ADGRL3: variants seen among roughly 807,000 people sequenced by gnomAD.
The protein encoded by ADGRL3 is calcium-independent alpha-latrotoxin receptor 3.
ADGRL3 carries 62 observed loss-of-function variants against 153.5 expected under a neutral mutation model. That is an observed-to-expected ratio of 0.40 (90% CI 0.33 to 0.50). The LOEUF is 0.50. ADGRL3 is among the 20% of genes least tolerant of loss of function. The probability of loss-of-function intolerance (pLI) is 0.47; values close to 1 mark genes in which losing one functional copy is unlikely to be tolerated. For synonymous variants in ADGRL3, 710 were observed against 672.5 expected, an observed-to-expected ratio of 1.06 and a Z score of -0.86; for missense variants, 1,641 against 1,859.4, an observed-to-expected ratio of 0.88 and a Z score of 2.16.
At chr4:61,291,315 G>A (rs1346254029) in intron 1 of ADGRL3, among the ~76,000 whole-genome samples, 1 of 150,842 alleles carries the variant, frequency 6.6e-6, no homozygotes, top group African/African-American at 2.4e-5. Flanking sequence ...GAAAATAACT[G>A]TACAATGATA....
At chr4:61,619,529 AC>A (rs1433440730) in intron 5 of ADGRL3, among the ~76,000 whole-genome samples, 5 of 151,500 alleles carry the variant, frequency 3.3e-5, no homozygotes, top group African/African-American at 1.2e-4. Context: ...ACACACACAC[AC>A]ACACACACAC....
intron 13 of ADGRL3, 61 bp from the exon 14 acceptor site, chr4:61,934,779 G>A (rs1254485498): frequency 7.3e-7 from 1 of 1,360,594 alleles, no homozygotes; most frequent in South Asian, 1.2e-5. Context: ...TGTACACCTG[G>A]ATTTCTGACA....
intron 5 of ADGRL3, among the ~76,000 whole-genome samples, chr4:61,602,508 G>A (rs1392180921): frequency 6.6e-6 from 1 of 152,064 alleles, no homozygotes; most frequent in African/African-American, 2.4e-5. Flanking sequence ...CGTACAGAAA[G>A]CCCCCAACAA....
chr4:61,659,368 T>TA (rs1176119301), intron 5 of ADGRL3, among the ~76,000 whole-genome samples: 2 of 152,200 alleles, frequency 1.3e-5, no homozygotes, highest in African/African-American at 4.8e-5. Context: ...AAACCTATCA[T>TA]ACACTGATAA....
At chr4:62,046,522 G>T (rs1217352696) in intron 25 of ADGRL3, among the ~76,000 whole-genome samples, 1 of 151,706 alleles carries the variant, frequency 6.6e-6, no homozygotes, top group Non-Finnish European at 1.5e-5. Context: ...AGTTTATATT[G>T]GCCGGTCATA....
chr4:61,810,305 G>C (rs2097597954), intron 8 of ADGRL3, among the ~76,000 whole-genome samples: 3 of 152,094 alleles, frequency 2.0e-5, no homozygotes, highest in African/African-American at 7.2e-5. Flanking sequence ...TTTCTAACCA[G>C]CCTCTGATAC....
intron 2 of ADGRL3, among the ~76,000 whole-genome samples, chr4:61,460,872 C>T (rs1021952476): frequency 1.1e-4 from 16 of 152,084 alleles, no homozygotes; most frequent in Non-Finnish European, 2.4e-4. Flanking sequence ...AGTTCAAGAC[C>T]AGCCTGGCCA....
At chr4:61,760,972 G>A (rs889320365) in intron 8 of ADGRL3, among the ~76,000 whole-genome samples, 1 of 152,204 alleles carries the variant, frequency 6.6e-6, no homozygotes, top group Non-Finnish European at 1.5e-5. Context: ...CAGTGAACCA[G>A]GAGTGCTAAT....
chr4:61,696,110 A>G (rs1257896855), intron 6 of ADGRL3, among the ~76,000 whole-genome samples: 1 of 152,198 alleles, frequency 6.6e-6, no homozygotes, highest in African/African-American at 2.4e-5. Flanking sequence ...CTTATCATTC[A>G]TGTGTGCACT....
chr4:61,754,656 A>C (rs891936885), intron 8 of ADGRL3, among the ~76,000 whole-genome samples: 5 of 152,012 alleles, frequency 3.3e-5, no homozygotes, highest in Admixed American at 3.3e-4. Context: ...TCTAGGGTAC[A>C]TGTGCACAAT....
chr4:61,480,406 C>T (rs560768771), intron 2 of ADGRL3, among the ~76,000 whole-genome samples: 5 of 152,156 alleles, frequency 3.3e-5, no homozygotes, highest in Admixed American at 3.3e-4. Context: ...TCTAAATATA[C>T]CACATTTTCT....
intron 4 of ADGRL3, among the ~76,000 whole-genome samples, chr4:61,544,547 G>A (rs775526025): frequency 2.0e-5 from 3 of 151,984 alleles, no homozygotes; most frequent in African/African-American, 4.8e-5. Flanking sequence ...TCATTGAGAC[G>A]TAATCAGAAA....
At chr4:61,645,503 T>A (rs61977135) in intron 5 of ADGRL3, among the ~76,000 whole-genome samples, 3 of 151,854 alleles carry the variant, frequency 2.0e-5, no homozygotes, top group Non-Finnish European at 4.4e-5. Flanking sequence ...TCTCTCAGCA[T>A]TTGCTTATCT....
At chr4:61,881,895 C>T (rs1397332808) in intron 9 of ADGRL3, among the ~76,000 whole-genome samples, 2 of 152,032 alleles carry the variant, frequency 1.3e-5, no homozygotes, top group Non-Finnish European at 2.9e-5. Context: ...TGAGGCTAGC[C>T]CTAAGAAAAG....
At chr4:61,637,592 C>T (rs1278220586) in intron 5 of ADGRL3, among the ~76,000 whole-genome samples, 3 of 151,970 alleles carry the variant, frequency 2.0e-5, no homozygotes, top group South Asian at 4.1e-4. Flanking sequence ...GGTGAAACCT[C>T]GTCTATGCAA....
At chr4:61,329,744 T>A (rs1258206295) in intron 1 of ADGRL3, among the ~76,000 whole-genome samples, 1 of 152,206 alleles carries the variant, frequency 6.6e-6, no homozygotes, top group Admixed American at 6.5e-5. Flanking sequence ...TTGCATAGGA[T>A]GTAGATATTT....
At chr4:61,796,331 A>G (rs2097411333) in intron 8 of ADGRL3, among the ~76,000 whole-genome samples, 1 of 151,824 alleles carries the variant, frequency 6.6e-6, no homozygotes, top group Non-Finnish European at 1.5e-5. Context: ...GAGGCTCAGC[A>G]TTTTTCCACC....
intron 1 of ADGRL3, among the ~76,000 whole-genome samples, chr4:61,237,217 G>A (rs1234932546): frequency 1.3e-5 from 2 of 152,130 alleles, no homozygotes; most frequent in Non-Finnish European, 2.9e-5. Flanking sequence ...CATGGTGGCT[G>A]CAGGAAACTC....
chr4:61,450,823 AT>A (rs1180700037), intron 2 of ADGRL3, among the ~76,000 whole-genome samples: 4 of 152,146 alleles, frequency 2.6e-5, no homozygotes, highest in Admixed American at 1.3e-4. Flanking sequence ...CACGTGAAAA[AT>A]ATTCTAAAAA....
Sources: gnomAD v4.1 joint callset for allele counts (sites outside exome capture counted in the v4.1 genomes callset) on GRCh38, gnomAD v4.1.1 for gene constraint, MANE v1.5 for transcripts, NCBI Gene and HGNC (gene_info 2026-07-23, HGNC 2026-07-21) for gene names.